The following AHCYL2 variants were observed in gnomAD, a reference collection of about 807,000 sequenced individuals.
The protein encoded by AHCYL2 is S-adenosylhomocysteine hydrolase-like protein 2.
Under a neutral mutation model 81.4 loss-of-function variants are expected in AHCYL2, and 28 were observed. The ratio of observed to expected loss-of-function variants is 0.34; its 90% CI spans 0.25 to 0.47. The LOEUF is 0.47. Among genes scored for constraint, AHCYL2 ranks in the 20% least tolerant of loss-of-function variants. The pLI is 1.00. For synonymous variants in AHCYL2, 272 were observed against 290.2 expected, an observed-to-expected ratio of 0.94 and a Z score of 0.64; for missense variants, 551 against 785.1, an observed-to-expected ratio of 0.70 and a Z score of 3.56.
intron 1 of AHCYL2, among the ~76,000 whole-genome samples, chr7:129,336,071 C>CTTTT (rs11373631): frequency 0.025 from 2,910 of 118,396 alleles, 100 homozygotes; most frequent in Admixed American, 0.046. Flanking sequence ...CTTTTCTTTC[C>CTTTT]TTTTTTTTTT....
At chr7:129,372,718 G>A (rs1277388229) in intron 1 of AHCYL2, among the ~76,000 whole-genome samples, 2 of 152,122 alleles carry the variant, frequency 1.3e-5, no homozygotes, top group East Asian at 3.8e-4. Flanking sequence ...GGAGGCTGAG[G>A]CAAGAGAATC....
intron 2 of AHCYL2, 145 bp from the exon 3 acceptor site, chr7:129,388,911 A>G (rs1563227807): frequency 3.9e-6 from 3 of 761,520 alleles, no homozygotes; most frequent in Non-Finnish European, 6.1e-6. Flanking sequence ...CTCTTCTGGC[A>G]TGTGTATAGC....
chr7:129,327,977 T>C (rs1798283610), intron 1 of AHCYL2, among the ~76,000 whole-genome samples: 1 of 152,062 alleles, frequency 6.6e-6, no homozygotes, highest in African/African-American at 2.4e-5. Context: ...AATTTTTCTT[T>C]TGTAGAGACG....
At chr7:129,256,772 AG>A (rs1216749806) in intron 1 of AHCYL2, among the ~76,000 whole-genome samples, 4 of 152,076 alleles carry the variant, frequency 2.6e-5, no homozygotes, top group Non-Finnish European at 5.9e-5. Flanking sequence ...TCTCATAAGT[AG>A]AATTTCTTGT....
At chr7:129,338,439 C>T (rs1332750876) in intron 1 of AHCYL2, among the ~76,000 whole-genome samples, 1 of 152,176 alleles carries the variant, frequency 6.6e-6, no homozygotes, top group African/African-American at 2.4e-5. Flanking sequence ...ACAGGAGTGA[C>T]CTGCTGTGCC....
intron 1 of AHCYL2, among the ~76,000 whole-genome samples, chr7:129,278,322 T>C (rs573767414): frequency 7.9e-5 from 12 of 152,120 alleles, no homozygotes; most frequent in Non-Finnish European, 1.3e-4. Flanking sequence ...GTGATCCTCC[T>C]CCATCAGTCT....
chr7:129,271,278 G>A (rs1004753654), intron 1 of AHCYL2, among the ~76,000 whole-genome samples: 7 of 150,708 alleles, frequency 4.6e-5, no homozygotes, highest in African/African-American at 9.8e-5. Context: ...GAAGAATGGC[G>A]TGAACCCGAG....
chr7:129,307,017 G>T (rs1797467342), intron 1 of AHCYL2, among the ~76,000 whole-genome samples: 1 of 152,172 alleles, frequency 6.6e-6, no homozygotes, highest in South Asian at 2.1e-4. Flanking sequence ...GCAGCCCTGT[G>T]GCCACCAACA....
chr7:129,348,580 T>C (rs1010348440), intron 1 of AHCYL2, among the ~76,000 whole-genome samples: 18 of 152,188 alleles, frequency 1.2e-4, no homozygotes. Context: ...GAAATAAAAT[T>C]CAGATTTTAG....
chr7:129,406,300 G>A lies in AHCYL2; in HGVS notation c.1207-78G>A. ...ATTCCTCTCGGGGGTGGAAAGAGGG[G>A]GTGCACTTTACCAGAAGCTTTGAGA... On this transcript the variant is annotated intron_variant, in intron 9 of 16. Coordinates refer to ENST00000325006, the MANE Select transcript of AHCYL2 (RefSeq NM_015328.4). The surrounding 1 kb of genome is among the most constrained non-coding windows in gnomAD (Gnocchi z 4.3). The A allele has an allele frequency of 7.8e-7, 1 of 1,275,950 alleles. No individual in the cohort carries two copies. Among genetic ancestry groups the A allele is most frequent in the Non-Finnish European group, 1.1e-6 (1 of 879,292 alleles). 79.0% of individuals were successfully genotyped at this position (1,275,950 alleles called of 1,614,324 possible).
At chr7:129,230,151 C>A (rs1249094332) in intron 1 of AHCYL2, among the ~76,000 whole-genome samples, 1 of 143,616 alleles carries the variant, frequency 7.0e-6, no homozygotes, top group Non-Finnish European at 1.5e-5. Context: ...GTGGCGATCT[C>A]GGCTCACTGA....
chr7:129,330,034 C>T (rs954371060), intron 1 of AHCYL2, among the ~76,000 whole-genome samples: 6 of 152,204 alleles, frequency 3.9e-5, no homozygotes, highest in Non-Finnish European at 8.8e-5. Context: ...TGAGGTCTCA[C>T]TCTGTTGTTG....
chr7:129,410,180 C>T (rs202123569), intron 11 of AHCYL2: 59 of 1,610,920 alleles, frequency 3.7e-5, no homozygotes, highest in Admixed American at 2.2e-4. Context: ...ATAACCAATC[C>T]GATCATTGAT....
intron 1 of AHCYL2, among the ~76,000 whole-genome samples, chr7:129,241,587 T>C (rs1050020917): frequency 6.6e-6 from 1 of 151,974 alleles, no homozygotes; most frequent in African/African-American, 2.4e-5. Flanking sequence ...TGAGACTCCA[T>C]CTCAAAAAAA....
At position 129,427,245 on chromosome 7, in the gene AHCYL2, G is replaced by T; in HGVS notation, c.*200G>T. 3 of 544,528 alleles carry T rather than the reference G, an allele frequency of 5.5e-6. No individual in the cohort carries two copies. Among genetic ancestry groups the T allele is most frequent in the Non-Finnish European group, 6.3e-6 (2 of 315,330 alleles). The allele number at this position is 544,528 out of a possible 1,614,324, so 33.7% of individuals were successfully genotyped here. On this transcript the variant is annotated 3_prime_UTR_variant, in exon 17 of 17. Coordinates refer to ENST00000325006, the MANE Select transcript of AHCYL2 (RefSeq NM_015328.4). The surrounding 1 kb of genome is among the most constrained non-coding windows in gnomAD (Gnocchi z 5.5). ...GCCCAGAGTGTGGTTACTGCCCTGAGGGCCATGAAAGCCACAGAGGATGGG... is the reference window on the plus strand; with the variant it reads ...GCCCAGAGTGTGGTTACTGCCCTGATGGCCATGAAAGCCACAGAGGATGGG...
intron 1 of AHCYL2, among the ~76,000 whole-genome samples, chr7:129,250,500 T>C (rs1158649180): frequency 1.3e-5 from 2 of 152,240 alleles, no homozygotes; most frequent in East Asian, 3.8e-4. Flanking sequence ...TTACTTCTTC[T>C]TGTCCAATGT....
chr7:129,335,507 C>T (rs1036194729), intron 1 of AHCYL2, among the ~76,000 whole-genome samples: 29 of 152,102 alleles, frequency 1.9e-4, no homozygotes, highest in Admixed American at 6.5e-4. Flanking sequence ...TTAAAGTAAT[C>T]GTTTACTTTG....
At chr7:129,386,392 G>T (rs1427242009) in intron 2 of AHCYL2, among the ~76,000 whole-genome samples, 1 of 152,016 alleles carries the variant, frequency 6.6e-6, no homozygotes, top group East Asian at 1.9e-4. Flanking sequence ...GAACCCAGGA[G>T]GCGGAGGTTG....
chr7:129,230,863 G>A (rs769628046), intron 1 of AHCYL2, among the ~76,000 whole-genome samples: 5 of 152,094 alleles, frequency 3.3e-5, no homozygotes, highest in Non-Finnish European at 7.4e-5. Context: ...CAGCCACCAC[G>A]CCTGGCCCTA....
Sources: gnomAD v4.1 joint callset for allele counts (sites outside exome capture counted in the v4.1 genomes callset) on GRCh38, gnomAD v4.1.1 for gene constraint, Gnocchi (gnomAD v3.1) non-coding constraint, MANE v1.5 for transcripts, NCBI Gene and HGNC (gene_info 2026-07-23, HGNC 2026-07-21) for gene names.